TENM2: variants seen among roughly 807,000 people sequenced by gnomAD.
TENM2 encodes teneurin transmembrane protein 2.
In TENM2, 52 loss-of-function variants were observed where a neutral mutation model predicts 245.2. The ratio of observed to expected loss-of-function variants is 0.21; its 90% confidence interval spans 0.17 to 0.27. TENM2 has a LOEUF of 0.27. Among genes scored for constraint, TENM2 ranks in the 10% least tolerant of loss-of-function variants. The pLI is 1.00. For synonymous variants in TENM2, 1,363 were observed against 1,438.9 expected, an observed-to-expected ratio of 0.95 and a Z score of 1.19; for missense variants, 3,046 against 3,666.8, an observed-to-expected ratio of 0.83 and a Z score of 4.37.
rs111389187 is a variant in TENM2, at chr5:167,776,969, C to T, written c.503-99017C>T. On this transcript the variant is annotated intron_variant, in intron 2 of 28. Coordinates refer to ENST00000518659, the Ensembl canonical transcript of TENM2. ...TTTCAAAAGACTGAACTTAAGAAAA[C>T]ACTTTGTTTTTACACTATTTTATGA... Among the ~76,000 whole-genome samples the T allele has an allele frequency of 7.4e-3, 1,134 of 152,228 alleles. 18 individuals carry two copies. The highest frequency in any genetic ancestry group is 0.026 in the African/African-American group (1,085 of 41,514).
chr5:167,982,388 T>A (rs1782910330), intron 4 of TENM2, among the ~76,000 whole-genome samples: 1 of 152,206 alleles, frequency 6.6e-6, no homozygotes, highest in Non-Finnish European at 1.5e-5. Context: ...ATATATTCCA[T>A]GCTCAATAAA....
At chr5:167,953,906 T>G (rs1281606232) in intron 4 of TENM2, among the ~76,000 whole-genome samples, 55 of 152,198 alleles carry the variant, frequency 3.6e-4, no homozygotes, top group Non-Finnish European at 1.5e-4. Flanking sequence ...TGAAAATTAA[T>G]ATGTTATACA....
intron 15 of TENM2, among the ~76,000 whole-genome samples, chr5:168,198,028 C>T (rs907101303): frequency 1.3e-5 from 2 of 152,192 alleles, no homozygotes; most frequent in South Asian, 2.1e-4. Context: ...GTGCTTTACA[C>T]GAGTGGCCAG....
chr5:167,461,814 A>G (rs555646024), intron 2 of TENM2, among the ~76,000 whole-genome samples: 1 of 152,262 alleles, frequency 6.6e-6, no homozygotes, highest in Non-Finnish European at 1.5e-5. Context: ...TCTAATTTAT[A>G]TATATTTTGT....
At chr5:168,158,938 C>T (rs1422222997) in intron 12 of TENM2, among the ~76,000 whole-genome samples, 6 of 136,568 alleles carry the variant, frequency 4.4e-5, no homozygotes, top group Non-Finnish European at 9.4e-5. Flanking sequence ...TATGTATATA[C>T]GTATATACAT....
At chr5:168,195,441 A>AGCAT in intron 15 of TENM2, 146 bp downstream of exon 17, 1 of 962,434 alleles carries the variant, frequency 1.0e-6, no homozygotes, top group Non-Finnish European at 1.5e-6. Flanking sequence ...ATTCCCCCAA[A>AGCAT]GACATTTCAT....
chr5:167,129,199 T>C, the TENM2 span, among the ~76,000 whole-genome samples: 4 of 152,122 alleles, frequency 2.6e-5, no homozygotes, highest in South Asian at 8.3e-4. Flanking sequence ...CTTAGGAGAC[T>C]CTTGGGAAAT....
chr5:167,707,655 T>C (rs1758623525), intron 2 of TENM2, among the ~76,000 whole-genome samples: 1 of 152,180 alleles, frequency 6.6e-6, no homozygotes, highest in Admixed American at 6.5e-5. Context: ...GAATTGTACA[T>C]AGTATAATTC....
In TENM2 at chr5:167,366,111, A is replaced by C. The variant is rs574506166; in HGVS notation, c.227-9087A>C. On this transcript the variant is annotated intron_variant, in intron 1 of 28. Coordinates refer to ENST00000518659, the Ensembl canonical transcript of TENM2. ...ATTTTTTTTCTTTTGAAAGAAAAAA[A>C]ATTTTATTGGTGAAACCAATTCAGT... Among the ~76,000 whole-genome samples, 207 of 152,138 alleles carry C rather than the reference A, an allele frequency of 1.4e-3. 1 individual carries two copies. Among genetic ancestry groups the C allele is most frequent in the Non-Finnish European group, 2.3e-3 (158 of 67,912 alleles).
At chr5:167,859,408 C>T (rs1256324655) in intron 2 of TENM2, among the ~76,000 whole-genome samples, 26 of 144,200 alleles carry the variant, frequency 1.8e-4, no homozygotes, top group East Asian at 1.3e-3. Context: ...CCCGGCCAGC[C>T]GCCCCGTCCG....
intron 2 of TENM2, among the ~76,000 whole-genome samples, chr5:167,558,214 C>T (rs1377648367): frequency 1.3e-5 from 2 of 152,144 alleles, no homozygotes; most frequent in African/African-American, 4.8e-5. Context: ...TGGGGAAGCC[C>T]ATGAGGCTTG....
chr5:167,973,365 C>T (rs1050289510), intron 4 of TENM2, among the ~76,000 whole-genome samples: 9 of 152,190 alleles, frequency 5.9e-5, no homozygotes, highest in African/African-American at 2.2e-4. Context: ...CCATTACCAG[C>T]TGTGTTCATA....
chr5:167,926,718 C>CCACACACACA (rs750351497), intron 3 of TENM2, among the ~76,000 whole-genome samples: 33 of 136,806 alleles, frequency 2.4e-4, no homozygotes, highest in South Asian at 2.3e-3. Context: ...TGAGATTCCA[C>CCACACACACA]CACACACACA....
At chr5:167,605,365 A>G (rs1776956234) in intron 2 of TENM2, among the ~76,000 whole-genome samples, 1 of 152,198 alleles carries the variant, frequency 6.6e-6, no homozygotes, top group South Asian at 2.1e-4. Context: ...GTATAAGGAT[A>G]TGAACCAGGA....
chr5:167,267,426 T>C, the TENM2 span, among the ~76,000 whole-genome samples: 2 of 152,152 alleles, frequency 1.3e-5, no homozygotes, highest in African/African-American at 4.8e-5. Flanking sequence ...GAAGCCAGAT[T>C]CACTTTCCAG....
the TENM2 span, among the ~76,000 whole-genome samples, chr5:167,264,876 A>G: frequency 6.6e-6 from 1 of 152,196 alleles, no homozygotes; most frequent in African/African-American, 2.4e-5. Context: ...GTACCTAGGC[A>G]TCTGGATGCC....
chr5:168,115,333 GGGAA>G (rs1794971698), intron 9 of TENM2, among the ~76,000 whole-genome samples: 2 of 123,794 alleles, frequency 1.6e-5, no homozygotes, highest in African/African-American at 6.3e-5. Context: ...AGGGAAGGAA[GGGAA>G]GGAAGGAAAG....
exon 1 of TENM2, chr5:167,284,826 A>G (rs984908568): frequency 2.6e-6 from 4 of 1,546,474 alleles, no homozygotes; most frequent in Non-Finnish European, 3.5e-6. Context: ...GCATTCTGCC[A>G]TATCTGGAAT....
At chr5:167,498,717 A>G (rs535687796) in intron 2 of TENM2, among the ~76,000 whole-genome samples, 1 of 152,074 alleles carries the variant, frequency 6.6e-6, no homozygotes, top group South Asian at 2.1e-4. Context: ...CTCAAGGATG[A>G]TGACAAAACA....
Sources: allele counts gnomAD v4.1 joint callset (sites outside exome capture counted in the v4.1 genomes callset), GRCh38; gene constraint gnomAD v4.1.1; transcripts MANE v1.5; gene names NCBI Gene and HGNC (gene_info 2026-07-23, HGNC 2026-07-21).